The following PARD3B variants were observed in gnomAD, a reference collection of about 807,000 sequenced individuals.
The protein encoded by PARD3B is par-3 family cell polarity regulator beta.
Under a neutral mutation model 130.2 loss-of-function variants are expected in PARD3B, and 103 were observed. That is an observed-to-expected ratio of 0.79 (90% CI 0.67 to 0.93). PARD3B has a LOEUF of 0.93. Among genes scored for constraint, PARD3B ranks in the 40% least tolerant of loss-of-function variants. The probability of loss-of-function intolerance (pLI) is 0.00; values close to 1 mark genes in which losing one functional copy is unlikely to be tolerated. For synonymous variants in PARD3B, 583 were observed against 553.2 expected (o/e 1.05, Z -0.76); for missense variants, 1,609 against 1,499.2 (o/e 1.07, Z -1.21).
chr2:204,685,123 G>C (rs916013853), intron 1 of PARD3B, among the ~76,000 whole-genome samples: 1 of 152,118 alleles, frequency 6.6e-6, no homozygotes, highest in African/African-American at 2.4e-5. Context: ...ATTGAATTCC[G>C]TGGGTTATAT....
rs1302673857 is a variant in PARD3B at position 204,595,661 on chromosome 2, C to CT, written c.120+49547dup. 7.2e-5 allele frequency among the ~76,000 whole-genome samples: 11 copies of CT among 152,328 alleles called. No homozygotes were observed. In the East Asian group the frequency reaches 2.1e-3, roughly 29 times the overall value. On this transcript the variant is annotated intron_variant, in intron 1 of 22. Transcript: ENST00000406610. Reference sequence around the variant, plus strand: ...ATTAAAAACAGTCACTTTGTGAGGTCTTTTTATCACTTTGGAGCTGAGGAA... The same window carrying CT: ...ATTAAAAACAGTCACTTTGTGAGGTCTTTTTTATCACTTTGGAGCTGAGGAA...
At chr2:205,507,196 A>ATTTTTTTT (rs71410819) in intron 21 of PARD3B, among the ~76,000 whole-genome samples, 701 of 25,192 alleles carry the variant, frequency 0.028, 315 homozygotes, top group Non-Finnish European at 0.036. Flanking sequence ...CAGGTGCAGT[A>ATTTTTTTT]TTTTTTTTTT....
At chr2:204,732,085 T>G (rs2039533965) in intron 2 of PARD3B, among the ~76,000 whole-genome samples, 1 of 10,780 alleles carries the variant, frequency 9.3e-5, no homozygotes. Context: ...TAATTGTGGT[T>G]TTTTTTTTTT....
intron 10 of PARD3B, among the ~76,000 whole-genome samples, chr2:205,151,149 T>A (rs2033728815): frequency 6.6e-6 from 1 of 152,238 alleles, no homozygotes; most frequent in African/African-American, 2.4e-5. Flanking sequence ...ATTTCTGTTC[T>A]TTTACATTTG....
rs552132194 is a variant in PARD3B at position 204,641,372 on chromosome 2, A to G, written c.121-44809A>G. ...GGGGATAATGAATAGAAGTGTCTAG[A>G]TGGGGCTAAGGGCTCCCGTGAAGGA... On this transcript the variant is annotated intron_variant, in intron 1 of 22. Coordinates refer to ENST00000406610, the MANE Select transcript of PARD3B (RefSeq NM_001302769.2). Among the ~76,000 whole-genome samples, 7 of 152,018 alleles carry G rather than the reference A, an allele frequency of 4.6e-5. No individual in the cohort carries two copies. The South Asian group carries it at 1.0e-3, about 22-fold the overall frequency.
chr2:205,529,129 A>G (rs1274085881), intron 21 of PARD3B, among the ~76,000 whole-genome samples: 2 of 152,232 alleles, frequency 1.3e-5, no homozygotes, highest in African/African-American at 4.8e-5. Flanking sequence ...AAGGGAACAC[A>G]TAACTGTTTA....
chr2:205,605,398 A>G (rs13013238), intron 22 of PARD3B, among the ~76,000 whole-genome samples: 93,593 of 151,968 alleles, frequency 0.62, 30,552 homozygotes, highest in African/African-American at 0.81. Context: ...TGGGGTTTTT[A>G]TGGGGTTTTT....
At chr2:205,149,325 G>T (rs914150519) in intron 10 of PARD3B, among the ~76,000 whole-genome samples, 1 of 151,964 alleles carries the variant, frequency 6.6e-6, no homozygotes, top group African/African-American at 2.4e-5. Context: ...TCATCTCCCC[G>T]CCTCGGCTTC....
intron 21 of PARD3B, among the ~76,000 whole-genome samples, chr2:205,501,614 C>A (rs117421937): frequency 6.6e-6 from 1 of 152,302 alleles, no homozygotes; most frequent in East Asian, 1.9e-4. Context: ...AACACCGTGT[C>A]CAGCGCATTG....
chr2:205,246,809 G>T (rs1304273187), intron 16 of PARD3B, among the ~76,000 whole-genome samples: 1 of 152,082 alleles, frequency 6.6e-6, no homozygotes, highest in Non-Finnish European at 1.5e-5. Flanking sequence ...CAGCAGGGAA[G>T]GGCTGGTTCA....
At chr2:205,042,399 T>C (rs1172355046) in intron 3 of PARD3B, among the ~76,000 whole-genome samples, 1 of 152,302 alleles carries the variant, frequency 6.6e-6, no homozygotes, top group Non-Finnish European at 1.5e-5. Flanking sequence ...TAAAGGTCTG[T>C]ACAGTAAGTG....
At chr2:205,522,320 A>G (rs916800599) in intron 21 of PARD3B, among the ~76,000 whole-genome samples, 2 of 151,726 alleles carry the variant, frequency 1.3e-5, no homozygotes, top group East Asian at 1.9e-4. Context: ...TAAAGACTTT[A>G]TTTTTCCTTT....
intron 2 of PARD3B, among the ~76,000 whole-genome samples, chr2:204,766,731 A>C (rs994942794): frequency 4.6e-5 from 7 of 152,082 alleles, no homozygotes; most frequent in African/African-American, 1.7e-4. Context: ...GGAAATAATC[A>C]GCAAACTAAC....
chr2:205,471,353 CTTTTTTTTTTTTT>C (rs769669913), intron 20 of PARD3B, among the ~76,000 whole-genome samples: 2 of 85,436 alleles, frequency 2.3e-5, no homozygotes, highest in African/African-American at 9.4e-5. Flanking sequence ...ACTCACTTTT[CTTTTTTTTTTTTT>C]TTTTTTTTTT....
chr2:205,106,492 TG>T, intron 5 of PARD3B, among the ~76,000 whole-genome samples: 1 of 33,058 alleles, frequency 3.0e-5, no homozygotes, highest in East Asian at 1.7e-3. Context: ...TGTGTGTGTG[TG>T]TGTGTGTGTG....
chr2:205,060,491 G>T (rs1366733934), intron 4 of PARD3B, among the ~76,000 whole-genome samples: 1 of 152,116 alleles, frequency 6.6e-6, no homozygotes, highest in Non-Finnish European at 1.5e-5. Context: ...ATTAAGACAT[G>T]TAGGTTTTGT....
chr2:205,141,812 C>T (rs915707592), intron 10 of PARD3B, among the ~76,000 whole-genome samples: 3 of 152,134 alleles, frequency 2.0e-5, no homozygotes, highest in African/African-American at 7.2e-5. Flanking sequence ...AATACACTAC[C>T]AGTCTATAAG....
intron 15 of PARD3B, among the ~76,000 whole-genome samples, chr2:205,213,594 A>C (rs901026732): frequency 1.3e-5 from 2 of 152,194 alleles, no homozygotes; most frequent in African/African-American, 2.4e-5. Context: ...AGATTGAATA[A>C]ATAAAAGTAG....
At position 204,580,445 on chromosome 2, in the gene PARD3B, C is replaced by T. The variant is rs561798904; in HGVS notation, c.120+34326C>T. On this transcript the variant is annotated intron_variant, in intron 1 of 22. Transcript: ENST00000406610. ...ACCTTTTTCTGATACTGATAAGTTT[C>T]TTCAGCTTTGCATTCTTGCCTCATT... 3.9e-4 allele frequency among the ~76,000 whole-genome samples: 60 copies of T among 152,264 alleles called. 1 individual carries two copies. The South Asian group carries it at 0.012, about 30-fold the overall frequency.
Sources: gnomAD v4.1 joint callset for allele counts (sites outside exome capture counted in the v4.1 genomes callset) on GRCh38, gnomAD v4.1.1 for gene constraint, MANE v1.5 for transcripts, NCBI Gene and HGNC (gene_info 2026-07-23, HGNC 2026-07-21) for gene names.